Variants in VTI1A observed in about 807,000 individuals in gnomAD.
VTI1A encodes the protein vesicle transport through interaction with t-SNAREs 1A.
VTI1A carries 22 observed loss-of-function variants against 34.9 expected under a neutral mutation model. The observed-to-expected ratio is 0.63, with a 90% CI of 0.45 to 0.90. VTI1A has a LOEUF of 0.90. Ranked by LOEUF, VTI1A falls within the 40% of genes least tolerant of loss-of-function variation. The pLI, the probability that VTI1A is intolerant of heterozygous loss-of-function variation, is 0.00. For missense variants in VTI1A, 268 were observed against 275.6 expected (o/e 0.97, Z 0.20); for synonymous variants, 87 against 97.3 (o/e 0.89, Z 0.62).
Position 112,668,300 on chromosome 10 carries a change from T to A in VTI1A, c.498+12T>A. Reference sequence around the variant, plus strand: ...GAGCACGTGAAAGAGTAAGTACAATTGATACAGTTTTTTCACATATTCAGT... The same window carrying A: ...GAGCACGTGAAAGAGTAAGTACAATAGATACAGTTTTTTCACATATTCAGT... On this transcript the variant is annotated intron_variant, in intron 6 of 7. Coordinates refer to ENST00000393077, the MANE Select transcript of VTI1A (RefSeq NM_145206.4). 6.2e-7 allele frequency: 1 copy of A among 1,610,780 alleles called. No individual in the cohort carries two copies. The highest frequency in any genetic ancestry group is 1.3e-5 in the African/African-American group (1 of 74,888).
At chr10:112,681,946 C>A (rs952072309) in intron 7 of VTI1A, among the ~76,000 whole-genome samples, 2 of 152,076 alleles carry the variant, frequency 1.3e-5, no homozygotes, top group African/African-American at 4.8e-5. Context: ...TCTTTATCAT[C>A]GAATGGGCTT....
At chr10:112,570,244 A>AT (rs989660096) in intron 5 of VTI1A, among the ~76,000 whole-genome samples, 127 of 149,656 alleles carry the variant, frequency 8.5e-4, no homozygotes, top group Non-Finnish European at 1.4e-3. Flanking sequence ...TGTGTACAAA[A>AT]TTTTTTTTTT....
chr10:112,476,971 A>T (rs1004814706), intron 3 of VTI1A, among the ~76,000 whole-genome samples: 5 of 152,194 alleles, frequency 3.3e-5, no homozygotes, highest in Admixed American at 2.0e-4. Flanking sequence ...TCTGATCTCT[A>T]GGGTGAAGAT....
chr10:112,612,732 C>T (rs1226204832), intron 5 of VTI1A, among the ~76,000 whole-genome samples: 1 of 152,128 alleles, frequency 6.6e-6, no homozygotes, highest in Non-Finnish European at 1.5e-5. Context: ...CCCACAAGTA[C>T]CTTTTCAAAG....
chr10:112,629,103 T>G lies in VTI1A; in HGVS notation c.428-39115T>G. Among the ~76,000 whole-genome samples, 2 of 152,228 alleles carry G rather than the reference T, an allele frequency of 1.3e-5. 1 individual carries two copies. The highest frequency in any genetic ancestry group is 3.9e-4 in the East Asian group (2 of 5,192). ...AATAGACAGGTGCCTTGCAGGTTGTTTGCCAAGTGAATGGCTTCTGGGGTA... is the reference window on the plus strand; with the variant it reads ...AATAGACAGGTGCCTTGCAGGTTGTGTGCCAAGTGAATGGCTTCTGGGGTA... On this transcript the variant is annotated intron_variant, in intron 5 of 7. Transcript: ENST00000393077.
At chr10:112,612,514 GC>G (rs1845357638) in intron 5 of VTI1A, among the ~76,000 whole-genome samples, 1 of 152,150 alleles carries the variant, frequency 6.6e-6, no homozygotes, top group Non-Finnish European at 1.5e-5. Context: ...AAACTCCTGG[GC>G]TCAAGTGATG....
intron 3 of VTI1A, among the ~76,000 whole-genome samples, chr10:112,524,159 A>T (rs1313997670): frequency 6.6e-6 from 1 of 152,112 alleles, no homozygotes; most frequent in African/African-American, 2.4e-5. Context: ...TTTAATGATG[A>T]TCTTGCAGGC....
intron 7 of VTI1A, among the ~76,000 whole-genome samples, chr10:112,811,160 A>G (rs1179415888): frequency 6.6e-6 from 1 of 152,186 alleles, no homozygotes. Context: ...GTCCAGGTGC[A>G]TCTCCAGGAC....
intron 7 of VTI1A, among the ~76,000 whole-genome samples, chr10:112,793,961 T>A (rs1852583018): frequency 6.6e-6 from 1 of 152,242 alleles, no homozygotes; most frequent in African/African-American, 2.4e-5. Context: ...CGACTGAGTC[T>A]GACCTGCATA....
At chr10:112,805,980 G>T (rs111619920) in intron 7 of VTI1A, among the ~76,000 whole-genome samples, 9 of 152,176 alleles carry the variant, frequency 5.9e-5, no homozygotes, top group African/African-American at 1.7e-4. Flanking sequence ...CAGACAGAGC[G>T]TGCTGATTCC....
At position 112,809,395 on chromosome 10, in the gene VTI1A, T is replaced by G. The variant is rs958773306; in HGVS notation, c.561-5895T>G. 3.9e-5 allele frequency among the ~76,000 whole-genome samples: 6 copies of G among 152,352 alleles called. No homozygotes were observed. In the East Asian group the frequency reaches 9.6e-4, roughly 24 times the overall value. On this transcript the variant is annotated intron_variant, in intron 7 of 7. Transcript: ENST00000393077. ...TGCCTAGAGAGAAGCAGATCCGGGTTCCTCTGCTCAGAATTTATCCTATGC... is the reference window on the plus strand; with the variant it reads ...TGCCTAGAGAGAAGCAGATCCGGGTGCCTCTGCTCAGAATTTATCCTATGC...
chr10:112,738,962 G>C (rs1850595042), intron 7 of VTI1A, among the ~76,000 whole-genome samples: 1 of 152,178 alleles, frequency 6.6e-6, no homozygotes, highest in African/African-American at 2.4e-5. Flanking sequence ...AACTCGCTCT[G>C]AATGGACTCC....
intron 3 of VTI1A, among the ~76,000 whole-genome samples, chr10:112,480,032 G>T (rs74158730): frequency 6.6e-6 from 1 of 152,106 alleles, no homozygotes; most frequent in African/African-American, 2.4e-5. Flanking sequence ...TGACTTTAGC[G>T]TACATACCTA....
At chr10:112,736,863 A>C (rs1850499741) in intron 7 of VTI1A, 1 of 834,592 alleles carries the variant, frequency 1.2e-6, no homozygotes, top group South Asian at 1.4e-5. Flanking sequence ...TGGACGGAAA[A>C]TGAGTAGTGA....
chr10:112,810,096 T>TAA (rs534101534), intron 7 of VTI1A, among the ~76,000 whole-genome samples: 17 of 145,766 alleles, frequency 1.2e-4, no homozygotes, highest in Admixed American at 7.6e-4. Flanking sequence ...TGGTTTGATT[T>TAA]AAAAAAAAAA....
intron 5 of VTI1A, among the ~76,000 whole-genome samples, chr10:112,637,128 T>G (rs2134649040): frequency 6.6e-6 from 1 of 152,328 alleles, no homozygotes; most frequent in East Asian, 1.9e-4. Flanking sequence ...TTCCTAACTT[T>G]TATTTAGTTT....
At chr10:112,578,500 T>C (rs1483251004) in intron 5 of VTI1A, among the ~76,000 whole-genome samples, 2 of 152,168 alleles carry the variant, frequency 1.3e-5, no homozygotes, top group Non-Finnish European at 2.9e-5. Flanking sequence ...TTTCATTGAG[T>C]AGCCAGTCAA....
At chr10:112,472,331 A>G (rs1474677817) in intron 3 of VTI1A, among the ~76,000 whole-genome samples, 2 of 152,170 alleles carry the variant, frequency 1.3e-5, no homozygotes, top group Non-Finnish European at 1.5e-5. Context: ...TGGCACTTCT[A>G]TTGACAGTCT....
intron 5 of VTI1A, among the ~76,000 whole-genome samples, chr10:112,632,563 C>T (rs983028929): frequency 1.5e-4 from 23 of 152,178 alleles, no homozygotes; most frequent in African/African-American, 5.6e-4. Flanking sequence ...CCATGGGGAT[C>T]GTTGCCAGCC....
Sources: gnomAD v4.1 joint callset for allele counts (sites outside exome capture counted in the v4.1 genomes callset) on GRCh38, gnomAD v4.1.1 for gene constraint, MANE v1.5 for transcripts, NCBI Gene and HGNC (gene_info 2026-07-23, HGNC 2026-07-21) for gene names.